Variants in PHC3 observed in about 807,000 individuals in gnomAD.
PHC3 encodes polyhomeotic-like protein 3.
PHC3 carries 13 observed loss-of-function variants against 107.4 expected under a neutral mutation model. The ratio of observed to expected loss-of-function variants is 0.12; its 90% CI spans 0.08 to 0.19. PHC3 has a LOEUF of 0.19. PHC3 is among the 10% of genes least tolerant of loss of function. The pLI, the probability that PHC3 is intolerant of heterozygous loss-of-function variation, is 1.00. For synonymous variants in PHC3, 456 were observed against 427.4 expected (o/e 1.07, Z -0.83); for missense variants, 992 against 1,210.9 (o/e 0.82, Z 2.68).
chr3:170,161,149 T>G (rs1727826063), intron 4 of PHC3, among the ~76,000 whole-genome samples: 1 of 152,164 alleles, frequency 6.6e-6, no homozygotes, highest in South Asian at 2.1e-4. Context: ...TTTAAGAAAC[T>G]CTCACATAAT....
rs1576931199 is a variant in PHC3 at position 170,091,426 on chromosome 3, A to C, written c.*5804T>G. The stretch of plus-strand genomic sequence containing the variant: ...GACTAGTACTTGTAAAAAGCAGTAG[A>C]AACAAAAATATTTTTCAAAAGTATA... On this transcript the variant is annotated 3_prime_UTR_variant, in exon 15 of 15. Transcript: ENST00000495893. The C allele has an allele frequency of 6.6e-6, 1 of 152,342 alleles. No homozygotes were observed. The highest frequency in any genetic ancestry group is 6.5e-5 in the Admixed American group (1 of 15,304). 9.4% of individuals were successfully genotyped at this position (152,342 alleles called of 1,614,324 possible).
At chr3:170,122,829 T>C (rs1424531052) in intron 8 of PHC3, 85 bp from the exon 9 acceptor site, 3 of 1,469,440 alleles carry the variant, frequency 2.0e-6, no homozygotes, top group East Asian at 2.3e-5. Context: ...TTAAATTCTA[T>C]GTGTATTAAA....
chr3:170,140,584 CTTTTTTTTTT>C (rs57137783), intron 6 of PHC3, among the ~76,000 whole-genome samples: 6 of 69,614 alleles, frequency 8.6e-5, no homozygotes, highest in African/African-American at 3.4e-4. Context: ...ATTTCTTTTT[CTTTTTTTTTT>C]TTTTTTTTTT....
intron 6 of PHC3, among the ~76,000 whole-genome samples, chr3:170,137,231 T>C (rs1046104201): frequency 3.9e-5 from 6 of 152,198 alleles, no homozygotes; most frequent in Non-Finnish European, 8.8e-5. Context: ...GGTGGTGTTA[T>C]TGAACATTCA....
At chr3:170,163,564 T>C in intron 4 of PHC3, among the ~76,000 whole-genome samples, 1 of 151,790 alleles carries the variant, frequency 6.6e-6, no homozygotes, top group East Asian at 1.9e-4. Context: ...TACATTTACG[T>C]ATAGAAATGC....
chr3:170,161,293 T>C (rs780185189), intron 4 of PHC3, among the ~76,000 whole-genome samples: 91 of 152,282 alleles, frequency 6.0e-4, no homozygotes, highest in Middle Eastern at 3.4e-3. Context: ...ATAAGGCCCA[T>C]AGTCCAATCT....
chr3:170,142,398 G>A (rs1724257862), intron 6 of PHC3, among the ~76,000 whole-genome samples: 1 of 151,960 alleles, frequency 6.6e-6, no homozygotes, highest in Admixed American at 6.6e-5. Context: ...AAATCAATCT[G>A]CTGGCAAATG....
At chr3:170,115,773 T>C (rs561802760) in intron 10 of PHC3, among the ~76,000 whole-genome samples, 4 of 152,140 alleles carry the variant, frequency 2.6e-5, no homozygotes, top group African/African-American at 9.6e-5. Flanking sequence ...ATCAGAAAGT[T>C]TGAATGACTT....
intron 6 of PHC3, among the ~76,000 whole-genome samples, chr3:170,142,696 G>A (rs1724302861): frequency 1.3e-5 from 2 of 152,016 alleles, no homozygotes; most frequent in Non-Finnish European, 2.9e-5. Context: ...TTTTATTTGT[G>A]TCTTTTTTCT....
intron 7 of PHC3, 140 bp downstream of exon 7, chr3:170,136,279 T>G: frequency 2.0e-6 from 2 of 1,009,996 alleles, no homozygotes; most frequent in Non-Finnish European, 2.8e-6. Context: ...AAGCTACACA[T>G]TAAGATTAAG....
chr3:170,170,814 A>C (rs1729474346), intron 4 of PHC3: 2 of 152,340 alleles, frequency 1.3e-5, no homozygotes, highest in African/African-American at 4.8e-5. Context: ...CCATGCCCAT[A>C]AATTTATTTT....
At chr3:170,141,385 G>A (rs950517429) in intron 6 of PHC3, among the ~76,000 whole-genome samples, 4 of 152,048 alleles carry the variant, frequency 2.6e-5, no homozygotes, top group Admixed American at 1.3e-4. Context: ...AATTAAGTCC[G>A]ATCACAGAGG....
rs762003431 is a variant in PHC3 at position 170,171,467 on chromosome 3, T to C, written c.337-17A>G. 4 of 1,544,096 alleles carry C rather than the reference T, an allele frequency of 2.6e-6. No individual in the cohort carries two copies. Among genetic ancestry groups the C allele is most frequent in the Middle Eastern group, 1.7e-4 (1 of 5,994 alleles). ...CAAACTTGCCTAAAATAGTAAGACTTTTAGAATATGTCGGTAAAAACCTGA... is the reference window on the plus strand; with the variant it reads ...CAAACTTGCCTAAAATAGTAAGACTCTTAGAATATGTCGGTAAAAACCTGA... On this transcript the variant is annotated splice_polypyrimidine_tract_variant and intron_variant, in intron 3 of 14. Transcript: ENST00000495893.
intron 12 of PHC3, among the ~76,000 whole-genome samples, chr3:170,105,378 G>A (rs1716287801): frequency 6.6e-6 from 1 of 152,120 alleles, no homozygotes; most frequent in Non-Finnish European, 1.5e-5. Context: ...CCCAATTTTG[G>A]AGGAAAACAC....
intron 4 of PHC3, among the ~76,000 whole-genome samples, chr3:170,161,980 C>T (rs1727968010): frequency 6.6e-6 from 1 of 152,172 alleles, no homozygotes; most frequent in Non-Finnish European, 1.5e-5. Flanking sequence ...TCCATAGCAT[C>T]ATTTCCTGAA....
chr3:170,137,562 A>G (rs73032516), intron 6 of PHC3, among the ~76,000 whole-genome samples: 51 of 152,300 alleles, frequency 3.3e-4, no homozygotes, highest in African/African-American at 1.2e-3. Context: ...CAAATGATAT[A>G]CTGCTGCTTT....
At chr3:170,112,521 C>A (rs1458410871) in intron 11 of PHC3, among the ~76,000 whole-genome samples, 1 of 143,488 alleles carries the variant, frequency 7.0e-6, no homozygotes, top group African/African-American at 2.6e-5. Context: ...CCGCGCCTGG[C>A]CTATTTTTTT....
chr3:170,149,228 G>T lies in PHC3; in HGVS notation c.431C>A (p.Ser144Tyr). 1 of 1,611,464 alleles carries T rather than the reference G, an allele frequency of 6.2e-7. No homozygotes were observed. The highest frequency in any genetic ancestry group is 8.5e-7 in the Non-Finnish European group (1 of 1,179,034). ...GCTTATTAACTGTGCAGGTGTAGGA[G>T]AAGTGGAGAGGTTGATCTAAGGAAG... ...MSQTSINLST[S>Y]PTPAQLISRS... Residue 144 changes from serine (S) to tyrosine (Y), a missense_variant, in exon 5 of 15, where the codon TCT becomes TAT. Ser to Tyr is a moderately radical substitution (Grantham distance 144, BLOSUM62 -2). Transcript: ENST00000495893.
At chr3:170,158,379 G>A (rs986116474) in intron 4 of PHC3, among the ~76,000 whole-genome samples, 17 of 151,750 alleles carry the variant, frequency 1.1e-4, no homozygotes, top group African/African-American at 3.4e-4. Flanking sequence ...CGAGGCAGGC[G>A]AATCACGAGG....
Sources: allele counts gnomAD v4.1 joint callset (sites outside exome capture counted in the v4.1 genomes callset), GRCh38; gene constraint gnomAD v4.1.1; transcripts MANE v1.5; gene names NCBI Gene and HGNC (gene_info 2026-07-23, HGNC 2026-07-21).